DAB1: variants seen among roughly 807,000 people sequenced by gnomAD.
DAB1 encodes the protein DAB adaptor protein 1, also known as disabled homolog 1.
In DAB1, 15 loss-of-function variants were observed where a neutral mutation model predicts 64.6. The ratio of observed to expected loss-of-function variants is 0.23; its 90% CI spans 0.16 to 0.36. The LOEUF (loss-of-function observed/expected upper bound fraction) is 0.36. Ranked by LOEUF, DAB1 falls within the 10% of genes least tolerant of loss-of-function variation. The probability of loss-of-function intolerance (pLI) is 1.00; values close to 1 mark genes in which losing one functional copy is unlikely to be tolerated. For missense variants in DAB1, 596 were observed against 706.7 expected, an observed-to-expected ratio of 0.84 and a Z score of 1.78; for synonymous variants, 235 against 251.9, an observed-to-expected ratio of 0.93 and a Z score of 0.64.
chr1:58,433,567 AAGAGAGAGAGAGAG>A (rs67547933), intron 3 of DAB1, among the ~76,000 whole-genome samples: 7 of 114,380 alleles, frequency 6.1e-5, no homozygotes, highest in East Asian at 2.5e-4. Context: ...GTCCATGCAT[AAGAGAGAGAGAGAG>A]AGAGAGAGAG....
Position 58,139,749 on chromosome 1 carries a change from T to C in DAB1, n.387+10762A>G, listed in dbSNP as rs115552276. Among the ~76,000 whole-genome samples, 1,087 of 152,334 alleles carry C rather than the reference T, an allele frequency of 7.1e-3. 13 individuals carry two copies. The highest frequency in any genetic ancestry group is 0.025 in the African/African-American group (1,052 of 41,570). On this transcript the variant is annotated intron_variant and non_coding_transcript_variant, in intron 5 of 20. Coordinates refer to the DAB1 transcript ENST00000485760. ...TAAAAGATGTAATTTGATTTGAACC[T>C]GGTCAGACCACTTCCTAGATGTGTG... is the stretch of plus-strand genomic sequence containing the variant.
chr1:58,118,824 G>T (rs1340142303), intron 5 of DAB1, among the ~76,000 whole-genome samples: 1 of 151,674 alleles, frequency 6.6e-6, no homozygotes, highest in African/African-American at 2.4e-5. Context: ...GGAAATAGCA[G>T]TGCTGGGCAG....
intron 6 of DAB1, among the ~76,000 whole-genome samples, chr1:57,697,405 C>A (rs547112123): frequency 1.2e-3 from 70 of 60,266 alleles, no homozygotes; most frequent in African/African-American, 4.3e-3. Context: ...CAAGTCAGTA[C>A]AATAAGCTCA....
rs575680407 is a variant in DAB1, at chr1:57,743,862, T to C, written n.552-94197A>G. Among the ~76,000 whole-genome samples the C allele has an allele frequency of 1.1e-3, 164 of 152,248 alleles. 1 individual carries two copies. Among genetic ancestry groups the C allele is most frequent in the Non-Finnish European group, 2.1e-3 (146 of 68,040 alleles). On this transcript the variant is annotated intron_variant and non_coding_transcript_variant, in intron 6 of 20. Coordinates refer to the DAB1 transcript ENST00000485760. The stretch of plus-strand genomic sequence containing the variant: ...AAAGCAGTCATTAGCATTGTTTCTA[T>C]AGATATTAAATTAACTAAAAATATC...
intron 4 of DAB1, among the ~76,000 whole-genome samples, chr1:58,330,766 T>C (rs923026232): frequency 4.6e-5 from 7 of 152,210 alleles, no homozygotes; most frequent in African/African-American, 1.4e-4. Context: ...CATAGTTTAC[T>C]GAATAATTTA....
At chr1:57,164,831 T>C (rs1241733115) in intron 2 of DAB1, among the ~76,000 whole-genome samples, 3 of 152,158 alleles carry the variant, frequency 2.0e-5, no homozygotes, top group Admixed American at 2.0e-4. Flanking sequence ...ACACCTCTGG[T>C]TCCTTATAAT....
chr1:57,305,340 G>A (rs1394812023), intron 1 of DAB1, among the ~76,000 whole-genome samples: 2 of 152,164 alleles, frequency 1.3e-5, no homozygotes, highest in African/African-American at 2.4e-5. Context: ...GCTGAAAAGG[G>A]AAATCAAAAA....
intron 4 of DAB1, among the ~76,000 whole-genome samples, chr1:58,247,820 G>C (rs957766216): frequency 8.6e-6 from 1 of 115,820 alleles, no homozygotes. Flanking sequence ...CGAGTTCTCT[G>C]TCTCTGCTTC....
intron 4 of DAB1, among the ~76,000 whole-genome samples, chr1:57,105,681 C>A (rs967286496): frequency 1.3e-5 from 2 of 152,144 alleles, no homozygotes; most frequent in East Asian, 3.9e-4. Flanking sequence ...TCTAATCTAA[C>A]CCTCAAAATA....
At chr1:57,940,741 A>G (rs1190547589) in intron 5 of DAB1, among the ~76,000 whole-genome samples, 1 of 152,224 alleles carries the variant, frequency 6.6e-6, no homozygotes, top group Non-Finnish European at 1.5e-5. Flanking sequence ...TCTACTGTTA[A>G]AACTGAAGAA....
intron 5 of DAB1, among the ~76,000 whole-genome samples, chr1:57,914,861 A>T (rs1644702727): frequency 6.6e-6 from 1 of 152,214 alleles, no homozygotes. Flanking sequence ...ATTGCCAAAA[A>T]GCAGAGTCTC....
intron 6 of DAB1, among the ~76,000 whole-genome samples, chr1:57,791,102 T>C (rs1650576549): frequency 6.6e-6 from 1 of 152,168 alleles, no homozygotes; most frequent in East Asian, 1.9e-4. Flanking sequence ...AAAATACAGA[T>C]TAATTAGGCA....
At chr1:57,318,129 C>T (rs1046150469) in intron 1 of DAB1, among the ~76,000 whole-genome samples, 3 of 129,802 alleles carry the variant, frequency 2.3e-5, no homozygotes, top group African/African-American at 8.8e-5. Context: ...CAGCAAGATG[C>T]TGACTGAAAT....
At position 58,346,040 on chromosome 1, in the gene DAB1, T is replaced by C. The variant is rs548655987; in HGVS notation, n.258-2637A>G. Among the ~76,000 whole-genome samples, 10 of 152,314 alleles carry C rather than the reference T, an allele frequency of 6.6e-5. No individual in the cohort carries two copies. The South Asian group carries it at 2.1e-3, about 32-fold the overall frequency. On this transcript the variant is annotated intron_variant and non_coding_transcript_variant, in intron 3 of 20. Transcript: ENST00000485760. Reference sequence around the variant, plus strand: ...CTGCAGTTCAGTGATGAGAAAGCGATGGGACTCCATCACCATCACTCAGAC... The same window carrying C: ...CTGCAGTTCAGTGATGAGAAAGCGACGGGACTCCATCACCATCACTCAGAC...
intron 3 of DAB1, among the ~76,000 whole-genome samples, chr1:58,380,430 T>A (rs1644376956): frequency 6.6e-6 from 1 of 152,180 alleles, no homozygotes. Flanking sequence ...ATTAAACCTG[T>A]TTTCTTCATG....
At chr1:57,631,282 G>A (rs1201295918) in intron 7 of DAB1, among the ~76,000 whole-genome samples, 3 of 152,180 alleles carry the variant, frequency 2.0e-5, no homozygotes, top group Non-Finnish European at 4.4e-5. Context: ...TTTAGGGTTA[G>A]CTCTTAAGTG....
At chr1:57,148,548 A>G (rs992639173) in intron 2 of DAB1, among the ~76,000 whole-genome samples, 4 of 152,208 alleles carry the variant, frequency 2.6e-5, no homozygotes, top group African/African-American at 9.6e-5. Flanking sequence ...TGGGAATAGG[A>G]TCAGTCTTCA....
intron 4 of DAB1, among the ~76,000 whole-genome samples, chr1:57,120,828 T>C (rs2100751158): frequency 6.6e-6 from 1 of 152,294 alleles, no homozygotes; most frequent in East Asian, 1.9e-4. Context: ...ATTGCATGTG[T>C]ATAGCACATT....
In DAB1 at chr1:58,433,498, C is replaced by T. The variant is rs146328483; in HGVS notation, n.257+72562G>A. Among the ~76,000 whole-genome samples, 266 of 151,464 alleles carry T rather than the reference C, an allele frequency of 1.8e-3. 1 individual carries two copies. The highest frequency in any genetic ancestry group is 6.3e-3 in the African/African-American group (261 of 41,320). ...GGGAAGTCCGAGAAGATGACACCAG[C>T]TTCTGGCAAGAGACTTTGTGCTGCG... On this transcript the variant is annotated intron_variant and non_coding_transcript_variant, in intron 3 of 20. Transcript: ENST00000485760.
Sources: gnomAD v4.1 joint callset for allele counts (sites outside exome capture counted in the v4.1 genomes callset) on GRCh38, gnomAD v4.1.1 for gene constraint, MANE v1.5 for transcripts, NCBI Gene and HGNC (gene_info 2026-07-23, HGNC 2026-07-21) for gene names.